The following BARD1 variants were observed in gnomAD, a reference collection of about 807,000 sequenced individuals.
The protein encoded by BARD1 is BRCA1 associated RING domain 1.
A neutral mutation model predicts 77.0 loss-of-function variants in BARD1; 73 were observed. That is an observed-to-expected ratio of 0.95 (90% CI 0.79 to 1.15). BARD1 has a LOEUF of 1.15. Among genes scored for constraint, BARD1 ranks in the 50% most tolerant of loss-of-function variants. The probability of loss-of-function intolerance (pLI) is 0.00; values close to 1 mark genes in which losing one functional copy is unlikely to be tolerated. For synonymous variants in BARD1, 384 were observed against 338.0 expected, an observed-to-expected ratio of 1.14 and a Z score of -1.49; for missense variants, 993 against 938.8, an observed-to-expected ratio of 1.06 and a Z score of -0.75.
chr2:214,804,698 AT>A (rs1374744712), intron 1 of BARD1, among the ~76,000 whole-genome samples: 3 of 152,206 alleles, frequency 2.0e-5, no homozygotes, highest in Admixed American at 1.3e-4. Flanking sequence ...AGTTAACTAT[AT>A]AAACCAACTG....
intron 3 of BARD1, among the ~76,000 whole-genome samples, chr2:214,782,705 G>A (rs1695097255): frequency 6.6e-6 from 1 of 152,088 alleles, no homozygotes; most frequent in African/African-American, 2.4e-5. Context: ...AGGCATCAAG[G>A]AGAAGTTGAT....
chr2:214,793,166 T>A (rs1284743563), intron 2 of BARD1, among the ~76,000 whole-genome samples: 1 of 152,084 alleles, frequency 6.6e-6, no homozygotes, highest in Non-Finnish European at 1.5e-5. Flanking sequence ...AATGTAACAG[T>A]TGAAAAGCCA....
At chr2:214,744,805 G>C (rs1404744102) in intron 9 of BARD1, among the ~76,000 whole-genome samples, 1 of 151,862 alleles carries the variant, frequency 6.6e-6, no homozygotes, top group Non-Finnish European at 1.5e-5. Flanking sequence ...TAATTTTTTT[G>C]TATTTTTAGT....
At chr2:214,767,804 C>G (rs1240340361) in intron 5 of BARD1, 150 bp from the exon 6 acceptor site, 1 of 712,518 alleles carries the variant, frequency 1.4e-6, no homozygotes, top group African/African-American at 1.8e-5. Flanking sequence ...AAGTTGCTGA[C>G]AGAGTGAAAG....
Position 214,725,841 on chromosome 2 carries a change from T to C in BARD1, c.*2835A>G, listed in dbSNP as rs542244690. ...TCAGGGTAGGAAACAGAATAGACAA[T>C]TGTGACTGTAATGAGGCCCATGAAC... On this transcript the variant is annotated 3_prime_UTR_variant, in exon 11 of 11. Coordinates refer to ENST00000260947, the MANE Select transcript of BARD1 (RefSeq NM_000465.4). 3.7e-4 allele frequency: 83 copies of C among 221,630 alleles called. No individual in the cohort carries two copies. The highest frequency in any genetic ancestry group is 6.2e-4 in the Non-Finnish European group (69 of 110,704). The allele number at this position is 221,630 out of a possible 1,614,324, so 13.7% of individuals were successfully genotyped here. A position where few individuals can be genotyped will look rare whatever the true frequency, so the allele number is the denominator to read the frequency against.
At chr2:214,734,484 A>AAT (rs1325430728) in intron 9 of BARD1, among the ~76,000 whole-genome samples, 5 of 152,150 alleles carry the variant, frequency 3.3e-5, no homozygotes, top group Admixed American at 6.5e-5. Context: ...CTCTTCTTAT[A>AAT]AATTAATAGA....
chr2:214,731,254 G>C (rs909795624), intron 9 of BARD1: 1 of 156,450 alleles, frequency 6.4e-6, no homozygotes, highest in African/African-American at 2.4e-5. Flanking sequence ...CCACTGCTTG[G>C]CACCTGGGTG....
chr2:214,752,667 A>T (rs1378780655), intron 6 of BARD1, 112 bp from the exon 7 acceptor site: 2 of 788,964 alleles, frequency 2.5e-6, no homozygotes, highest in Non-Finnish European at 4.3e-6. Context: ...CTCAGAACTC[A>T]TATTAGGCAG....
intron 3 of BARD1, among the ~76,000 whole-genome samples, chr2:214,783,154 T>A (rs146162289): frequency 8.1e-4 from 123 of 152,238 alleles, no homozygotes; most frequent in Middle Eastern, 6.8e-3. Context: ...GCCCTCTGTA[T>A]ACTTGGGTTT....
intron 6 of BARD1, among the ~76,000 whole-genome samples, chr2:214,755,503 T>C (rs772376337): frequency 2.6e-5 from 4 of 152,176 alleles, no homozygotes; most frequent in Non-Finnish European, 4.4e-5. Flanking sequence ...GGATAAACGT[T>C]CATTCAACAA....
At chr2:214,733,197 T>C (rs1460207828) in intron 9 of BARD1, among the ~76,000 whole-genome samples, 1 of 152,188 alleles carries the variant, frequency 6.6e-6, no homozygotes, top group Non-Finnish European at 1.5e-5. Context: ...TCCTATATCA[T>C]ATTTATAGGC....
In BARD1 at chr2:214,727,859, T is replaced by C. The variant is rs989040634; in HGVS notation, c.*817A>G. 2 of 220,556 alleles carry C rather than the reference T, an allele frequency of 9.1e-6. No homozygotes were observed. Among genetic ancestry groups the C allele is most frequent in the African/African-American group, 4.5e-5 (2 of 44,716 alleles). The allele number at this position is 220,556 out of a possible 1,614,324, so 13.7% of individuals were successfully genotyped here. A position where few individuals can be genotyped will look rare whatever the true frequency, so the allele number is the denominator to read the frequency against. ...GCTTCTTAATTTAAAGTAATGACGT[T>C]GGACTGACAATTTGCTAGACTGGTC... On this transcript the variant is annotated 3_prime_UTR_variant, in exon 11 of 11. Coordinates refer to ENST00000260947, the MANE Select transcript of BARD1 (RefSeq NM_000465.4).
chr2:214,781,791 AAATCT>A (rs1329603955), intron 3 of BARD1, among the ~76,000 whole-genome samples: 2 of 152,192 alleles, frequency 1.3e-5, no homozygotes, highest in African/African-American at 4.8e-5. Context: ...CATAAAATAC[AAATCT>A]AACAGAATGT....
chr2:214,762,415 A>G (rs1023972642), intron 6 of BARD1, among the ~76,000 whole-genome samples: 3 of 152,176 alleles, frequency 2.0e-5, no homozygotes, highest in African/African-American at 7.2e-5. Context: ...AGGTATATGC[A>G]TGTGTATACC....
At chr2:214,751,147 A>ATT (rs1693425047) in intron 7 of BARD1, among the ~76,000 whole-genome samples, 1 of 21,194 alleles carries the variant, frequency 4.7e-5, no homozygotes, top group African/African-American at 1.4e-4. Context: ...ATATATATAT[A>ATT]TATATTTTTT....
Position 214,746,840 on chromosome 2 carries a change from C to A in BARD1, c.1678-986G>T, listed in dbSNP as rs7355308. 2.8e-3 allele frequency among the ~76,000 whole-genome samples: 421 copies of A among 151,984 alleles called. 1 individual carries two copies. Among genetic ancestry groups the A allele is most frequent in the African/African-American group, 5.6e-3 (231 of 41,446 alleles). The stretch of plus-strand genomic sequence containing the variant: ...ACACCAAAAGCAATGGCAACAAAAG[C>A]CAAAATTGACAAATGGGATCTCATT... On this transcript the variant is annotated intron_variant, in intron 7 of 10. Transcript: ENST00000260947.
At chr2:214,740,002 TAATATCAA>T (rs1024107740) in intron 9 of BARD1, among the ~76,000 whole-genome samples, 2 of 152,074 alleles carry the variant, frequency 1.3e-5, no homozygotes, top group African/African-American at 4.8e-5. Flanking sequence ...TTATGCATAA[TAATATCAA>T]AATATCAAAA....
chr2:214,789,959 C>T (rs570163288), intron 3 of BARD1, among the ~76,000 whole-genome samples: 1 of 152,228 alleles, frequency 6.6e-6, no homozygotes, highest in Admixed American at 6.5e-5. Context: ...TCTCTCCAAT[C>T]TCCAACTCTA....
At chr2:214,760,986 G>A (rs6751031) in intron 6 of BARD1, among the ~76,000 whole-genome samples, 61,632 of 149,312 alleles carry the variant, frequency 0.41, 12,783 homozygotes, top group South Asian at 0.5. Flanking sequence ...GTGTTAGCCA[G>A]AATGGTCTCG....
Sources: allele counts gnomAD v4.1 joint callset (sites outside exome capture counted in the v4.1 genomes callset), GRCh38; gene constraint gnomAD v4.1.1; transcripts MANE v1.5; gene names NCBI Gene and HGNC (gene_info 2026-07-23, HGNC 2026-07-21).